PTPRD: variants seen among roughly 807,000 people sequenced by gnomAD.
PTPRD encodes the protein receptor-type tyrosine-protein phosphatase delta.
Under a neutral mutation model 214.5 loss-of-function variants are expected in PTPRD, and 34 were observed. The ratio of observed to expected loss-of-function variants is 0.16; its 90% CI spans 0.12 to 0.21. The LOEUF is 0.21. PTPRD is among the 10% of genes least tolerant of loss of function. The probability of loss-of-function intolerance (pLI) is 1.00; values close to 1 mark genes in which losing one functional copy is unlikely to be tolerated. For synonymous variants in PTPRD, 1,128 were observed against 845.7 expected (o/e 1.33, Z -5.79); for missense variants, 2,545 against 2,398.7 (o/e 1.06, Z -1.27).
intron 11 of PTPRD, among the ~76,000 whole-genome samples, chr9:8,897,083 G>A (rs2098622288): frequency 6.6e-6 from 1 of 152,110 alleles, no homozygotes; most frequent in Admixed American, 6.6e-5. Context: ...GTTTGCTGAT[G>A]ATCATTTTCA....
At chr9:9,293,262 TA>T (rs1243083442) in intron 9 of PTPRD, among the ~76,000 whole-genome samples, 1 of 151,604 alleles carries the variant, frequency 6.6e-6, no homozygotes, top group African/African-American at 2.4e-5. Flanking sequence ...CATGATTATT[TA>T]TTTTATACTT....
At chr9:8,797,095 C>G (rs1385161991) in intron 11 of PTPRD, 1 of 152,048 alleles carries the variant, frequency 6.6e-6, no homozygotes, top group East Asian at 1.9e-4. Context: ...AGTACATATT[C>G]AAGAGACTTA....
At chr9:9,335,005 C>A (rs1223395596) in intron 9 of PTPRD, among the ~76,000 whole-genome samples, 2 of 151,896 alleles carry the variant, frequency 1.3e-5, no homozygotes, top group Non-Finnish European at 2.9e-5. Context: ...TAAAATGCAC[C>A]TGTTTCAAAA....
At chr9:8,469,695 T>G (rs2096614703) in intron 31 of PTPRD, among the ~76,000 whole-genome samples, 1 of 152,070 alleles carries the variant, frequency 6.6e-6, no homozygotes, top group Non-Finnish European at 1.5e-5. Flanking sequence ...ATAACATATC[T>G]AAATTACTTG....
Position 8,756,542 on chromosome 9 carries a change from G to A in PTPRD, c.-103-22596C>T, listed in dbSNP as rs150676452. On this transcript the variant is annotated intron_variant, in intron 11 of 45. Transcript: ENST00000381196. ...TAAAGCTGTATCAGTTGGCTACAGTGTTTACTTTTTGTAGGAAACAATACT... is the reference window on the plus strand; with the variant it reads ...TAAAGCTGTATCAGTTGGCTACAGTATTTACTTTTTGTAGGAAACAATACT... Among the ~76,000 whole-genome samples, 154 of 152,232 alleles carry A rather than the reference G, an allele frequency of 1.0e-3. 4 individuals carry two copies. The East Asian group carries it at 0.023, about 22-fold the overall frequency.
intron 3 of PTPRD, among the ~76,000 whole-genome samples, chr9:10,070,529 G>A (rs2097984544): frequency 6.6e-6 from 1 of 151,720 alleles, no homozygotes; most frequent in Non-Finnish European, 1.5e-5. Context: ...GTAACACTAG[G>A]AATAATTAAA....
chr9:9,096,013 T>C (rs2099782961), intron 10 of PTPRD, among the ~76,000 whole-genome samples: 1 of 152,132 alleles, frequency 6.6e-6, no homozygotes, highest in Admixed American at 6.5e-5. Flanking sequence ...AAAGAAAATA[T>C]TGCGTTATTC....
At chr9:9,187,843 G>T (rs1434133998) in intron 9 of PTPRD, among the ~76,000 whole-genome samples, 1 of 151,626 alleles carries the variant, frequency 6.6e-6, no homozygotes, top group East Asian at 1.9e-4. Context: ...GTGTTTCCAT[G>T]TGACACCATT....
chr9:9,017,309 G>T (rs913192755), intron 11 of PTPRD, among the ~76,000 whole-genome samples: 1 of 152,036 alleles, frequency 6.6e-6, no homozygotes, highest in Admixed American at 6.6e-5. Flanking sequence ...TCATTCTTTG[G>T]ATAGAAAAAC....
intron 3 of PTPRD, among the ~76,000 whole-genome samples, chr9:10,269,409 ATGTG>A (rs2094293841): frequency 6.6e-6 from 1 of 152,194 alleles, no homozygotes. Context: ...ATATATGTGC[ATGTG>A]TAAGTTTTAA....
At chr9:10,046,048 C>G (rs2097386694) in intron 3 of PTPRD, among the ~76,000 whole-genome samples, 1 of 151,696 alleles carries the variant, frequency 6.6e-6, no homozygotes, top group Non-Finnish European at 1.5e-5. Flanking sequence ...GCATGATAAG[C>G]TACAAAATAA....
chr9:10,514,166 A>G (rs1267537104), intron 2 of PTPRD, among the ~76,000 whole-genome samples: 1 of 152,172 alleles, frequency 6.6e-6, no homozygotes, highest in Non-Finnish European at 1.5e-5. Context: ...ATGAATAATC[A>G]ACTACCAATC....
intron 9 of PTPRD, among the ~76,000 whole-genome samples, chr9:9,330,354 C>G (rs1272544850): frequency 2.0e-5 from 3 of 152,090 alleles, no homozygotes; most frequent in South Asian, 2.1e-4. Context: ...AATACATATA[C>G]ATATTCTCTC....
chr9:10,194,333 TATATATATATATAGAGAGAGAGAGAGAG>T lies in PTPRD; in HGVS notation c.-545+146602_-545+146629del, dbSNP rs1189653035. Among the ~76,000 whole-genome samples the T allele has an allele frequency of 3.6e-3, 227 of 63,382 alleles. 1 individual carries two copies. Among genetic ancestry groups the T allele is most frequent in the Admixed American group, 5.1e-3 (26 of 5,074 alleles). 41.6% of individuals were successfully genotyped at this position (63,382 alleles called of 152,430 possible). A position where few individuals can be genotyped will look rare whatever the true frequency, so the allele number is the denominator to read the frequency against. On this transcript the variant is annotated intron_variant, in intron 3 of 45. Transcript: ENST00000381196. ...ATAGCTATTCATATATATATATATA[TATATATATATATAGAGAGAGAGAGAGAG>T]AGAGAGAGAGAGAGAGAGAGAGAGA...
intron 11 of PTPRD, among the ~76,000 whole-genome samples, chr9:8,831,676 C>T (rs761257736): frequency 2.6e-5 from 4 of 152,116 alleles, no homozygotes; most frequent in Non-Finnish European, 5.9e-5. Context: ...TAAAAAAGAA[C>T]TCACATACAA....
chr9:9,382,943 G>T (rs1223845316), intron 9 of PTPRD, among the ~76,000 whole-genome samples: 1 of 151,940 alleles, frequency 6.6e-6, no homozygotes, highest in Non-Finnish European at 1.5e-5. Context: ...TGAAAATGTT[G>T]TATATTTATA....
At chr9:10,058,131 G>C (rs2097693332) in intron 3 of PTPRD, among the ~76,000 whole-genome samples, 3 of 152,068 alleles carry the variant, frequency 2.0e-5, no homozygotes, top group Admixed American at 6.6e-5. Flanking sequence ...TTTCTCTCCT[G>C]TGAAGGTATC....
intron 44 of PTPRD, among the ~76,000 whole-genome samples, chr9:8,328,096 C>T (rs1259633232): frequency 6.6e-6 from 1 of 152,128 alleles, no homozygotes; most frequent in Non-Finnish European, 1.5e-5. Flanking sequence ...TTAATTGATG[C>T]AGTTTCTTCC....
At chr9:10,413,424 T>A (rs1431754367) in intron 2 of PTPRD, among the ~76,000 whole-genome samples, 1 of 151,760 alleles carries the variant, frequency 6.6e-6, no homozygotes, top group African/African-American at 2.4e-5. Flanking sequence ...ATCTCTATGA[T>A]AAGAACTACA....
Sources: allele counts gnomAD v4.1 joint callset (sites outside exome capture counted in the v4.1 genomes callset), GRCh38; gene constraint gnomAD v4.1.1; transcripts MANE v1.5; gene names NCBI Gene and HGNC (gene_info 2026-07-23, HGNC 2026-07-21).